The following MAP7 variants were observed in gnomAD, a reference collection of about 807,000 sequenced individuals.
MAP7 encodes microtubule associated protein 7, also known as ensconsin.
Under a neutral mutation model 94.8 loss-of-function variants are expected in MAP7, and 52 were observed. The ratio of observed to expected loss-of-function variants is 0.55; its 90% CI spans 0.44 to 0.69. The LOEUF is 0.69. Ranked by LOEUF, MAP7 falls within the 30% of genes least tolerant of loss-of-function variation. The pLI is 0.00. For missense variants in MAP7, 940 were observed against 964.6 expected, an observed-to-expected ratio of 0.97 and a Z score of 0.34; for synonymous variants, 350 against 357.0, an observed-to-expected ratio of 0.98 and a Z score of 0.22.
chr6:136,447,374 A>C (rs553071635), intron 1 of MAP7, among the ~76,000 whole-genome samples: 1 of 152,224 alleles, frequency 6.6e-6, no homozygotes, highest in African/African-American at 2.4e-5. Context: ...ATTGTGATCC[A>C]CTCACAGGAC....
intron 1 of MAP7, among the ~76,000 whole-genome samples, chr6:136,521,720 CTT>C: frequency 6.6e-6 from 1 of 152,164 alleles, no homozygotes; most frequent in East Asian, 1.9e-4. Context: ...TTAAAAGACT[CTT>C]TGCCCATTAT....
At position 136,525,904 on chromosome 6, in the gene MAP7, T is replaced by C. The variant is rs796607571; in HGVS notation, c.67+24438A>G. ...TTAATGGTGAATAAACCAAGAGGAA[T>C]TGGCCTTGCATTGGTCTTCTTCAGT... is the stretch of plus-strand genomic sequence containing the variant. On this transcript the variant is annotated intron_variant, in intron 1 of 17. Transcript: ENST00000354570. 29 of 1,535,798 alleles carry C rather than the reference T, an allele frequency of 1.9e-5. No individual in the cohort carries two copies. The Admixed American group carries it at 3.3e-4, about 18-fold the overall frequency.
chr6:136,414,922 C>A (rs1788874747), intron 2 of MAP7, among the ~76,000 whole-genome samples: 1 of 151,146 alleles, frequency 6.6e-6, no homozygotes, highest in South Asian at 2.1e-4. Flanking sequence ...TTAAGCGATT[C>A]TCCTGCCTCA....
At position 136,409,395 on chromosome 6, in the gene MAP7, G is replaced by T. The variant is rs192915960; in HGVS notation, c.244+2225C>A. On this transcript the variant is annotated intron_variant, in intron 3 of 17. Transcript: ENST00000354570. The stretch of plus-strand genomic sequence containing the variant: ...CAACATAACAAGATCCCATTTCAGA[G>T]AAAGAGAGAGAGAAGAGAGAAACTA... 4.4e-3 allele frequency among the ~76,000 whole-genome samples: 671 copies of T among 152,044 alleles called. 6 individuals carry two copies. Among genetic ancestry groups the T allele is most frequent in the African/African-American group, 0.015 (640 of 41,370 alleles).
chr6:136,475,223 C>T (rs899380574), intron 1 of MAP7, among the ~76,000 whole-genome samples: 1 of 152,082 alleles, frequency 6.6e-6, no homozygotes, highest in Admixed American at 6.6e-5. Context: ...TACCTAGCAC[C>T]CAGAATAATT....
chr6:136,532,965 C>T (rs928927496), intron 1 of MAP7, among the ~76,000 whole-genome samples: 1 of 152,204 alleles, frequency 6.6e-6, no homozygotes, highest in African/African-American at 2.4e-5. Flanking sequence ...TCCAGACTTC[C>T]CACATTCTCT....
intron 2 of MAP7, among the ~76,000 whole-genome samples, chr6:136,418,787 G>A (rs553890754): frequency 6.6e-6 from 1 of 151,744 alleles, no homozygotes; most frequent in African/African-American, 2.4e-5. Context: ...TCAACAAAAT[G>A]CTTTAGACAG....
intron 1 of MAP7, among the ~76,000 whole-genome samples, chr6:136,500,911 G>A (rs987018644): frequency 6.6e-6 from 1 of 152,088 alleles, no homozygotes; most frequent in East Asian, 1.9e-4. Flanking sequence ...TTTTAAAGCA[G>A]AGCCTCTAAT....
intron 6 of MAP7, among the ~76,000 whole-genome samples, chr6:136,381,011 TCAAA>T (rs1318276377): frequency 6.6e-6 from 1 of 152,230 alleles, no homozygotes; most frequent in Non-Finnish European, 1.5e-5. Context: ...CTGAGAAAGC[TCAAA>T]CAATCTAATA....
chr6:136,509,967 C>T (rs750251475), intron 1 of MAP7, among the ~76,000 whole-genome samples: 12 of 152,034 alleles, frequency 7.9e-5, no homozygotes, highest in Non-Finnish European at 1.3e-4. Context: ...TTTGGGAGGC[C>T]GAGGCAGGTG....
chr6:136,371,899 T>C (rs574175119), intron 8 of MAP7, among the ~76,000 whole-genome samples: 37 of 152,376 alleles, frequency 2.4e-4, no homozygotes, highest in African/African-American at 7.5e-4. Context: ...AATTATATTT[T>C]TCACTTACAA....
chr6:136,419,889 A>T, intron 2 of MAP7: 2 of 517,880 alleles, frequency 3.9e-6, no homozygotes, highest in Non-Finnish European at 7.3e-6. Context: ...AAGACTGAGG[A>T]TTATCCACTA....
chr6:136,361,565 G>A (rs893345969), intron 11 of MAP7, among the ~76,000 whole-genome samples: 5 of 152,366 alleles, frequency 3.3e-5, no homozygotes, highest in Middle Eastern at 3.4e-3. Context: ...ACAGTGTTCT[G>A]TCACAGGACA....
intron 1 of MAP7, among the ~76,000 whole-genome samples, chr6:136,493,342 C>G (rs372435405): frequency 6.6e-6 from 1 of 152,098 alleles, no homozygotes; most frequent in Non-Finnish European, 1.5e-5. Flanking sequence ...AGTCTGGTCT[C>G]GAACTCCTGA....
chr6:136,382,203 C>T (rs940829204), intron 6 of MAP7, among the ~76,000 whole-genome samples: 8 of 152,182 alleles, frequency 5.3e-5, no homozygotes, highest in African/African-American at 1.9e-4. Flanking sequence ...CTAATTGATA[C>T]AGACAATTCA....
rs985456401 is a variant in MAP7 at position 136,343,753 on chromosome 6, CAAT to C, written c.*472_*474del. 1.3e-5 allele frequency: 2 copies of C among 152,144 alleles called. No individual in the cohort carries two copies. Among genetic ancestry groups the C allele is most frequent in the Admixed American group, 6.5e-5 (1 of 15,278 alleles). 9.4% of individuals were successfully genotyped at this position (152,144 alleles called of 1,614,324 possible). On this transcript the variant is annotated 3_prime_UTR_variant, in exon 18 of 18. Transcript: ENST00000354570. ...TTGCTTCTACAAATAGAGCTCTTTG[CAAT>C]AATATTTTAAAAAAACAGGCTTAAA...
At chr6:136,513,338 T>C (rs190939477) in intron 1 of MAP7, among the ~76,000 whole-genome samples, 13 of 152,374 alleles carry the variant, frequency 8.5e-5, no homozygotes, top group Admixed American at 6.5e-4. Flanking sequence ...CTAAATCCTT[T>C]GTTGCCATTT....
chr6:136,536,105 C>T (rs945754812), intron 1 of MAP7, among the ~76,000 whole-genome samples: 4 of 152,050 alleles, frequency 2.6e-5, no homozygotes, highest in African/African-American at 9.7e-5. Flanking sequence ...CATAGTATTC[C>T]GTGGTGTATA....
intron 1 of MAP7, among the ~76,000 whole-genome samples, chr6:136,449,364 G>A (rs561161009): frequency 6.6e-6 from 1 of 152,238 alleles, no homozygotes; most frequent in South Asian, 2.1e-4. Context: ...ATTTAACAGA[G>A]TTTAACTGAG....
Sources: gnomAD v4.1 joint callset for allele counts (sites outside exome capture counted in the v4.1 genomes callset) on GRCh38, gnomAD v4.1.1 for gene constraint, MANE v1.5 for transcripts, NCBI Gene and HGNC (gene_info 2026-07-23, HGNC 2026-07-21) for gene names.